EFCAB11: variants seen among roughly 807,000 people sequenced by gnomAD.
EFCAB11 encodes EF-hand calcium binding domain 11, also known as EF-hand calcium-binding domain-containing protein 11.
A neutral mutation model predicts 23.0 loss-of-function variants in EFCAB11; 14 were observed. The ratio of observed to expected loss-of-function variants is 0.61; its 90% confidence interval spans 0.40 to 0.95. EFCAB11 has a LOEUF of 0.95. EFCAB11 is among the 40% of genes least tolerant of loss of function. The pLI, the probability that EFCAB11 is intolerant of heterozygous loss-of-function variation, is 0.00. For missense variants in EFCAB11, 198 were observed against 195.8 expected (o/e 1.01, Z -0.07); for synonymous variants, 65 against 66.6 (o/e 0.98, Z 0.11).
chr14:89,844,721 A>G (rs1345260102), intron 5 of EFCAB11, among the ~76,000 whole-genome samples: 1 of 152,212 alleles, frequency 6.6e-6, no homozygotes, highest in Non-Finnish European at 1.5e-5. Flanking sequence ...TTTTGGCTCA[A>G]TCCCTGGGTG....
chr14:89,916,272 C>G (rs926889189), intron 5 of EFCAB11, among the ~76,000 whole-genome samples: 9 of 152,064 alleles, frequency 5.9e-5, no homozygotes, highest in African/African-American at 2.2e-4. Context: ...TAAATGGCAC[C>G]AACTCTATGA....
intron 5 of EFCAB11, among the ~76,000 whole-genome samples, chr14:89,821,707 G>T (rs1260959635): frequency 6.6e-6 from 1 of 152,192 alleles, no homozygotes; most frequent in Non-Finnish European, 1.5e-5. Flanking sequence ...TTTGGATGGA[G>T]GTGCGGGAGA....
At chr14:89,880,332 C>T (rs1385522100) in intron 5 of EFCAB11, among the ~76,000 whole-genome samples, 4 of 152,088 alleles carry the variant, frequency 2.6e-5, no homozygotes, top group Non-Finnish European at 5.9e-5. Context: ...CAGTGAGTGC[C>T]CTGATCTTGG....
At chr14:89,845,817 T>C (rs1887414543) in intron 5 of EFCAB11, among the ~76,000 whole-genome samples, 1 of 152,172 alleles carries the variant, frequency 6.6e-6, no homozygotes, top group South Asian at 2.1e-4. Flanking sequence ...TCGGGAGTAC[T>C]GGGTCGAGTG....
chr14:89,842,311 G>C (rs941692698), intron 5 of EFCAB11, among the ~76,000 whole-genome samples: 4 of 152,210 alleles, frequency 2.6e-5, no homozygotes, highest in African/African-American at 7.2e-5. Context: ...AATCTGGGCG[G>C]GGCGTGGTGG....
intron 3 of EFCAB11, among the ~76,000 whole-genome samples, chr14:89,941,490 G>C (rs1419793377): frequency 6.6e-6 from 1 of 152,000 alleles, no homozygotes; most frequent in African/African-American, 2.4e-5. Context: ...ACGTTGGTCT[G>C]GTACTTACTA....
chr14:89,804,444 C>G (rs1039232143), intron 5 of EFCAB11, among the ~76,000 whole-genome samples: 1 of 152,208 alleles, frequency 6.6e-6, no homozygotes, highest in Admixed American at 6.5e-5. Context: ...TGAGGTCATT[C>G]TCTTGGCTCA....
At chr14:89,949,497 T>A (rs1012199540) in intron 3 of EFCAB11, among the ~76,000 whole-genome samples, 1 of 151,526 alleles carries the variant, frequency 6.6e-6, no homozygotes. Context: ...CCAGAGTAGC[T>A]GGGATTATAG....
intron 4 of EFCAB11, among the ~76,000 whole-genome samples, chr14:89,932,266 G>A (rs1188895739): frequency 6.6e-6 from 1 of 152,126 alleles, no homozygotes; most frequent in East Asian, 1.9e-4. Context: ...CCCAGGGCCA[G>A]TCCTTTTGCA....
chr14:89,800,570 TATCTCAGAA>T (rs1374119093), intron 5 of EFCAB11, among the ~76,000 whole-genome samples: 1 of 152,216 alleles, frequency 6.6e-6, no homozygotes, highest in African/African-American at 2.4e-5. Context: ...ATATACAGAC[TATCTCAGAA>T]ATGGCTTTTC....
intron 5 of EFCAB11, among the ~76,000 whole-genome samples, chr14:89,858,469 G>A (rs1042535933): frequency 2.9e-4 from 44 of 152,056 alleles, no homozygotes; most frequent in Admixed American, 2.6e-3. Context: ...AGGTCAACAG[G>A]CTAATAGGCT....
rs767143953 is a variant in EFCAB11, at chr14:89,932,627, C to G, written c.218G>C (p.Gly73Ala). 2 of 1,611,070 alleles carry G rather than the reference C, an allele frequency of 1.2e-6. No homozygotes were observed. The highest frequency in any genetic ancestry group is 3.3e-5 in the Admixed American group (2 of 59,822). Residue 73 changes from glycine (G) to alanine (A), a missense_variant and splice_region_variant, in exon 4 of 6, where the codon GGT becomes GCT. Physicochemically the swap from Gly to Ala is moderately conservative, Grantham distance 60. Coordinates refer to ENST00000316738, the MANE Select transcript of EFCAB11 (RefSeq NM_145231.4). ...ATTTAAAAACCCCTCGAGTAATATA[C>G]CTAAAAGTTGGGGAAAAAACAATTT... Reference protein sequence around the residue: ...VMSSINPNTSGILLEGFLNIV... With the variant: ...VMSSINPNTSAILLEGFLNIV...
chr14:89,844,194 A>T (rs1887360847), intron 5 of EFCAB11, among the ~76,000 whole-genome samples: 1 of 152,334 alleles, frequency 6.6e-6, no homozygotes, highest in South Asian at 2.1e-4. Flanking sequence ...TGCTGTATGG[A>T]TACTTCCCAG....
intron 5 of EFCAB11, among the ~76,000 whole-genome samples, chr14:89,870,797 C>G (rs1382352236): frequency 6.8e-6 from 1 of 146,456 alleles, no homozygotes; most frequent in African/African-American, 2.5e-5. Context: ...AAAAATTAGC[C>G]AGGCATGGTG....
At chr14:89,825,589 G>A (rs1328266127) in intron 5 of EFCAB11, among the ~76,000 whole-genome samples, 1 of 152,116 alleles carries the variant, frequency 6.6e-6, no homozygotes, top group African/African-American at 2.4e-5. Context: ...TAGACTGATG[G>A]GGGAGGGGAG....
chr14:89,822,988 T>C (rs1251202501), intron 5 of EFCAB11, among the ~76,000 whole-genome samples: 1 of 152,190 alleles, frequency 6.6e-6, no homozygotes, highest in Non-Finnish European at 1.5e-5. Flanking sequence ...ATAATGGTTG[T>C]AATTGTGATA....
At position 89,905,628 on chromosome 14, in the gene EFCAB11, T is replaced by C. The variant is rs1381437005; in HGVS notation, c.410+25913A>G. Among the ~76,000 whole-genome samples, 9 of 152,054 alleles carry C rather than the reference T, an allele frequency of 5.9e-5. No homozygotes were observed. The East Asian group carries it at 1.7e-3, about 29-fold the overall frequency. On this transcript the variant is annotated intron_variant, in intron 5 of 5. Transcript: ENST00000316738. ...GAGTTATCATTTGCATAAGGGGATG[T>C]AGAAAATGCGCACAAAGTATTTAGG...
At chr14:89,933,911 A>G (rs949114388) in intron 3 of EFCAB11, among the ~76,000 whole-genome samples, 2 of 152,216 alleles carry the variant, frequency 1.3e-5, no homozygotes, top group Non-Finnish European at 1.5e-5. Context: ...CTAAACCATG[A>G]GACAATACCA....
chr14:89,819,616 C>A lies in EFCAB11; in HGVS notation c.411-22292G>T, dbSNP rs569359086. Reference sequence around the variant, plus strand: ...AGCTAATTATAAAAAAAACCCATTTCTTTAGAGATGGGGTCTTGCTGTGTT... The same window carrying A: ...AGCTAATTATAAAAAAAACCCATTTATTTAGAGATGGGGTCTTGCTGTGTT... On this transcript the variant is annotated intron_variant, in intron 5 of 5. Transcript: ENST00000316738. Among the ~76,000 whole-genome samples, 12 of 152,110 alleles carry A rather than the reference C, an allele frequency of 7.9e-5. No homozygotes were observed. In the East Asian group the frequency reaches 2.3e-3, roughly 30 times the overall value.
Sources: gnomAD v4.1 joint callset for allele counts (sites outside exome capture counted in the v4.1 genomes callset) on GRCh38, gnomAD v4.1.1 for gene constraint, MANE v1.5 for transcripts, NCBI Gene and HGNC (gene_info 2026-07-23, HGNC 2026-07-21) for gene names.